ETV7: variants seen among roughly 807,000 people sequenced by gnomAD.
ETV7 encodes the protein ETS variant transcription factor 7, also known as transcription factor ETV7.
In ETV7, 43 loss-of-function variants were observed where a neutral mutation model predicts 39.1. The observed-to-expected ratio is 1.10, with a 90% CI of 0.86 to 1.42. ETV7 has a LOEUF of 1.42. ETV7 is among the 40% of genes most tolerant of loss of function. The pLI is 0.00. For synonymous variants in ETV7, 196 were observed against 176.6 expected (o/e 1.11, Z -0.87); for missense variants, 432 against 442.3 (o/e 0.98, Z 0.21).
chr6:36,364,825 C>G (rs537592114), downstream of ETV7, among the ~76,000 whole-genome samples: 1 of 152,224 alleles, frequency 6.6e-6, no homozygotes, highest in Non-Finnish European at 1.5e-5. Context: ...ATGGGCTCAT[C>G]GCAGAGCAAA....
intron 6 of ETV7, among the ~76,000 whole-genome samples, chr6:36,367,368 A>G (rs1048515002): frequency 1.3e-5 from 2 of 152,086 alleles, no homozygotes; most frequent in African/African-American, 4.8e-5. Flanking sequence ...CCTTGAACCC[A>G]GGAGGCAGAG....
At chr6:36,379,042 T>C (rs1773515964) in intron 2 of ETV7, among the ~76,000 whole-genome samples, 1 of 152,194 alleles carries the variant, frequency 6.6e-6, no homozygotes, top group Non-Finnish European at 1.5e-5. Context: ...AGTCTGGTGA[T>C]ACATGAGACG....
At chr6:36,370,046 C>A (rs1017271093) in intron 5 of ETV7, among the ~76,000 whole-genome samples, 9 of 152,158 alleles carry the variant, frequency 5.9e-5, no homozygotes, top group African/African-American at 2.2e-4. Context: ...TTAGGGCATC[C>A]ATCACCTCAA....
In ETV7 at chr6:36,356,812, A is replaced by G. The variant is rs1342296031; in HGVS notation, c.909-2125T>C. On this transcript the variant is annotated intron_variant, in intron 7 of 7. Transcript: ENST00000339796. ...GGAATGCTGGGCTGACACCTGCATT[A>G]CTTCACAGCCAGTCTCTCCTAAGGA... 2.6e-5 allele frequency among the ~76,000 whole-genome samples: 4 copies of G among 152,212 alleles called. No homozygotes were observed. The East Asian group carries it at 7.7e-4, about 29-fold the overall frequency.
chr6:36,382,272 C>A (rs549891003), intron 2 of ETV7, among the ~76,000 whole-genome samples: 1 of 152,232 alleles, frequency 6.6e-6, no homozygotes, highest in African/African-American at 2.4e-5. Flanking sequence ...ATTTATAATG[C>A]GCTCTGATGT....
At chr6:36,375,337 A>G (rs1275829905) in intron 3 of ETV7, among the ~76,000 whole-genome samples, 3 of 152,100 alleles carry the variant, frequency 2.0e-5, no homozygotes, top group Non-Finnish European at 1.5e-5. Context: ...GCCCGCTACC[A>G]CTGGCCACCC....
chr6:36,364,584 C>T (rs911941412), downstream of ETV7, among the ~76,000 whole-genome samples: 2 of 152,246 alleles, frequency 1.3e-5, no homozygotes, highest in African/African-American at 4.8e-5. Flanking sequence ...AAGCGCCGCG[C>T]ACAGCCCCAG....
At chr6:36,367,114 G>C in intron 6 of ETV7, 139 bp from the exon 7 acceptor site, 1 of 699,618 alleles carries the variant, frequency 1.4e-6, no homozygotes, top group Non-Finnish European at 2.5e-6. Flanking sequence ...GTGCTCACTT[G>C]AGTTTGGAAG....
At chr6:36,366,839 T>G in intron 7 of ETV7, 36 bp downstream of exon 7, 1 of 1,613,022 alleles carries the variant, frequency 6.2e-7, no homozygotes, top group South Asian at 1.1e-5. Context: ...ACCCCAGTTC[T>G]GCTTCCCCTT....
intron 2 of ETV7, among the ~76,000 whole-genome samples, chr6:36,381,415 A>G (rs1228076204): frequency 6.6e-6 from 1 of 152,238 alleles, no homozygotes; most frequent in African/African-American, 2.4e-5. Context: ...CCTACTGAAT[A>G]TATTCAATCA....
chr6:36,369,616 C>T (rs1772907986), intron 5 of ETV7, among the ~76,000 whole-genome samples: 1 of 152,252 alleles, frequency 6.6e-6, no homozygotes, highest in African/African-American at 2.4e-5. Flanking sequence ...AATCCCAGGA[C>T]CTGGGCCTGT....
chr6:36,375,132 C>T, intron 3 of ETV7, among the ~76,000 whole-genome samples: 1 of 150,960 alleles, frequency 6.6e-6, no homozygotes, highest in Non-Finnish European at 1.5e-5. Context: ...TAGGTATAAA[C>T]AGGCAAATCA....
rs142564424 is a variant in ETV7 at position 36,375,943 on chromosome 6, C to G, written c.235G>C (p.Gly79Arg). 3.1e-6 allele frequency: 5 copies of G among 1,613,800 alleles called. No individual in the cohort carries two copies. In the South Asian group the frequency reaches 5.5e-5, roughly 18 times the overall value. The change falls in exon 3 of 8, where the codon GGG becomes CGG. Residue 79 changes from glycine (G) to arginine (R), a missense_variant. By Grantham distance (125) the Gly-to-Arg change is moderately radical (BLOSUM62 -2). Transcript: ENST00000340181. ...AGGGCGCGTCCGTTCATCTCGAACC[C>G]GTGCTCCGCGGTGCATGGCAGAGAG... Reference protein sequence around the residue: ...EYSLPCTAEHGFEMNGRALCI... With the variant: ...EYSLPCTAEHRFEMNGRALCI...
intron 5 of ETV7, 115 bp downstream of exon 5, chr6:36,371,215 C>G (rs966245518): frequency 2.3e-5 from 24 of 1,046,242 alleles, no homozygotes; most frequent in Non-Finnish European, 3.3e-5. Flanking sequence ...CCCTGCAATC[C>G]CCCAGCCACA....
downstream of ETV7, among the ~76,000 whole-genome samples, chr6:36,364,261 C>G (rs535508097): frequency 1.3e-4 from 20 of 152,342 alleles, no homozygotes; most frequent in Admixed American, 1.3e-3. Context: ...GTGGATGGGA[C>G]TGGGCGCTGT....
chr6:36,387,532 T>C lies in ETV7; in HGVS notation c.6+4A>G. 6.2e-7 allele frequency: 1 copy of C among 1,614,140 alleles called. No individual in the cohort carries two copies. ...CGCTGCGTGTTCAGCCGCCAGGCTCTTACCTGCATTACAGGTGGAGGTGAG... is the reference window on the plus strand; with the variant it reads ...CGCTGCGTGTTCAGCCGCCAGGCTCCTACCTGCATTACAGGTGGAGGTGAG... On this transcript the variant is annotated splice_donor_region_variant and intron_variant, in intron 1 of 7. Coordinates refer to ENST00000340181, the MANE Select transcript of ETV7 (RefSeq NM_016135.4).
intron 2 of ETV7, among the ~76,000 whole-genome samples, chr6:36,379,565 A>T (rs1343373971): frequency 1.4e-5 from 2 of 144,094 alleles, no homozygotes; most frequent in Admixed American, 1.3e-4. Flanking sequence ...AAAAAAAAGA[A>T]GAAGAAGAAG....
chr6:36,367,201 G>C (rs1429243965), intron 6 of ETV7, among the ~76,000 whole-genome samples: 2 of 152,156 alleles, frequency 1.3e-5, no homozygotes, highest in Non-Finnish European at 2.9e-5. Context: ...CCAACACTTT[G>C]GGAGGCCTAG....
At chr6:36,361,494 C>T (rs891848512), downstream of ETV7, among the ~76,000 whole-genome samples, 1 of 152,214 alleles carries the variant, frequency 6.6e-6, no homozygotes, top group Non-Finnish European at 1.5e-5. Flanking sequence ...AAGACTGTGG[C>T]CCTAGGATCC....
Sources: gnomAD v4.1 joint callset for allele counts (sites outside exome capture counted in the v4.1 genomes callset) on GRCh38, gnomAD v4.1.1 for gene constraint, MANE v1.5 for transcripts, NCBI Gene and HGNC (gene_info 2026-07-23, HGNC 2026-07-21) for gene names.